CNNM2: variants seen among roughly 807,000 people sequenced by gnomAD.
The protein encoded by CNNM2 is metal transporter CNNM2.
CNNM2 carries 12 observed loss-of-function variants against 66.9 expected under a neutral mutation model. That is an observed-to-expected ratio of 0.18 (90% CI 0.11 to 0.29). The LOEUF (loss-of-function observed/expected upper bound fraction) is 0.29, where lower values mean the gene tolerates loss of function less well. Among genes scored for constraint, CNNM2 ranks in the 10% least tolerant of loss-of-function variants. CNNM2 has a pLI of 1.00. For synonymous variants in CNNM2, 557 were observed against 501.8 expected (o/e 1.11, Z -1.47); for missense variants, 705 against 1,167.7 (o/e 0.60, Z 5.77).
At chr10:103,017,981 A>AAAAAAAAAAAAAAAAT (rs2064489371) in intron 1 of CNNM2, among the ~76,000 whole-genome samples, 1 of 148,890 alleles carries the variant, frequency 6.7e-6, no homozygotes, top group African/African-American at 2.5e-5. Context: ...AAAAAAAAAA[A>AAAAAAAAAAAAAAAAT]GGCAAGCCGC....
At chr10:102,948,590 A>G (rs898694425) in intron 1 of CNNM2, among the ~76,000 whole-genome samples, 1 of 152,364 alleles carries the variant, frequency 6.6e-6, no homozygotes, top group East Asian at 1.9e-4. Flanking sequence ...CAGACCTTGC[A>G]GGCCACACTA....
intron 1 of CNNM2, among the ~76,000 whole-genome samples, chr10:103,000,184 C>T (rs556831160): frequency 1.6e-3 from 242 of 151,566 alleles, no homozygotes; most frequent in Middle Eastern, 3.4e-3. Context: ...TGCAGTGAGC[C>T]GATATCATGC....
intron 1 of CNNM2, among the ~76,000 whole-genome samples, chr10:103,044,861 A>G (rs780196790): frequency 1.3e-5 from 2 of 152,250 alleles, no homozygotes; most frequent in Non-Finnish European, 2.9e-5. Flanking sequence ...CCTAATTCAC[A>G]GGAATAATTT....
chr10:102,959,445 T>C (rs1231905377), intron 1 of CNNM2, among the ~76,000 whole-genome samples: 1 of 152,242 alleles, frequency 6.6e-6, no homozygotes, highest in Non-Finnish European at 1.5e-5. Flanking sequence ...ACAATGCAAA[T>C]GTCCCATTCT....
intron 1 of CNNM2, among the ~76,000 whole-genome samples, chr10:102,974,917 C>T (rs2063602269): frequency 6.6e-6 from 1 of 152,086 alleles, no homozygotes; most frequent in Admixed American, 6.5e-5. Context: ...AAATTAGAAG[C>T]CACATACAGA....
chr10:102,935,206 C>T (rs1350825790), intron 1 of CNNM2, among the ~76,000 whole-genome samples: 2 of 150,770 alleles, frequency 1.3e-5, no homozygotes, highest in African/African-American at 4.9e-5. Context: ...ACATGGTGGC[C>T]TGTAATCCTA....
intron 1 of CNNM2, among the ~76,000 whole-genome samples, chr10:102,927,949 C>T (rs1214371788): frequency 6.6e-6 from 1 of 152,104 alleles, no homozygotes; most frequent in East Asian, 1.9e-4. Context: ...TGCTGTCATT[C>T]GGAGGTGGGA....
At position 103,025,195 on chromosome 10, in the gene CNNM2, G is replaced by T. The variant is rs532495519; in HGVS notation, c.1622-24512G>T. On this transcript the variant is annotated intron_variant, in intron 1 of 7. Transcript: ENST00000369878. ...CAACCTCCAACTCCCTGGTTCAAGC[G>T]ATTCTCCTGCCTCAGCCTCCCAAGT... Among the ~76,000 whole-genome samples, 108 of 152,236 alleles carry T rather than the reference G, an allele frequency of 7.1e-4. 1 individual carries two copies. The highest frequency in any genetic ancestry group is 2.5e-3 in the African/African-American group (105 of 41,562).
chr10:103,009,758 T>C (rs1266874237), intron 1 of CNNM2, among the ~76,000 whole-genome samples: 1 of 150,902 alleles, frequency 6.6e-6, no homozygotes, highest in Non-Finnish European at 1.5e-5. Context: ...CTGTAGTGAG[T>C]TGAAGTCCAT....
intron 1 of CNNM2, among the ~76,000 whole-genome samples, chr10:102,951,132 C>T (rs536438404): frequency 1.3e-4 from 19 of 151,850 alleles, no homozygotes; most frequent in East Asian, 3.9e-4. Context: ...GGACTACAGG[C>T]GCCTGCCACC....
intron 1 of CNNM2, among the ~76,000 whole-genome samples, chr10:103,046,815 A>G (rs2065134082): frequency 1.3e-5 from 2 of 152,198 alleles, no homozygotes; most frequent in African/African-American, 4.8e-5. Context: ...ATGTATTTGG[A>G]AAAGGGAGGA....
chr10:102,956,616 T>C (rs1038325537), intron 1 of CNNM2, among the ~76,000 whole-genome samples: 2 of 152,186 alleles, frequency 1.3e-5, no homozygotes, highest in African/African-American at 2.4e-5. Context: ...GTGGCACATA[T>C]ACACCATCGA....
rs1406247779 is a variant in CNNM2, at chr10:103,054,181, T to C, written c.1766-148T>C. The C allele has an allele frequency of 1.2e-6, 1 of 857,202 alleles. No individual in the cohort carries two copies. Among genetic ancestry groups the C allele is most frequent in the East Asian group, 2.7e-5 (1 of 36,920 alleles). The allele number at this position is 857,202 out of a possible 1,614,324, so 53.1% of individuals were successfully genotyped here. The stretch of plus-strand genomic sequence containing the variant: ...TGATGAGGATCTGGCTCTCCCTCCC[T>C]CCTTCCCCGTGGCATCTGTGCATAG... On this transcript the variant is annotated intron_variant, in intron 2 of 7. Transcript: ENST00000369878. This position sits in a 1 kb window ranked among gnomAD's most constrained non-coding sequence, Gnocchi z 5.2.
chr10:102,990,882 C>G (rs888769939), intron 1 of CNNM2, among the ~76,000 whole-genome samples: 3 of 152,182 alleles, frequency 2.0e-5, no homozygotes, highest in African/African-American at 7.2e-5. Context: ...CTTTTACCCC[C>G]TGTTCCTCAG....
At chr10:103,000,295 C>T (rs2064094157) in intron 1 of CNNM2, among the ~76,000 whole-genome samples, 3 of 150,850 alleles carry the variant, frequency 2.0e-5, no homozygotes, top group Admixed American at 6.6e-5. Context: ...AATGGAATAG[C>T]TGCTATAGAA....
intron 1 of CNNM2, among the ~76,000 whole-genome samples, chr10:103,048,459 A>T (rs1459993947): frequency 6.6e-6 from 1 of 150,746 alleles, no homozygotes; most frequent in African/African-American, 2.4e-5. Context: ...CAGGTGATCT[A>T]CCTGCCTCAG....
At chr10:103,050,301 G>A (rs2065194425) in intron 2 of CNNM2, among the ~76,000 whole-genome samples, 1 of 152,146 alleles carries the variant, frequency 6.6e-6, no homozygotes, top group South Asian at 2.1e-4. Flanking sequence ...GGAGGCCGAG[G>A]CAGGTGAATC....
chr10:102,926,598 G>A (rs1845868939), intron 1 of CNNM2, among the ~76,000 whole-genome samples: 2 of 152,116 alleles, frequency 1.3e-5, no homozygotes, highest in African/African-American at 4.8e-5. Context: ...CTGGAATGCA[G>A]TGGTGCTAGC....
rs776992441 is a variant in CNNM2, at chr10:102,999,237, A to AT, written c.1622-50452dup. On this transcript the variant is annotated intron_variant, in intron 1 of 7. Transcript: ENST00000369878. ...AGGTGCCCGTCACCCTGCCCGGCTA[A>AT]TTTTTTTTTTTTTTTTTTGTATTTT... Among the ~76,000 whole-genome samples, 11,015 of 128,886 alleles carry AT rather than the reference A, an allele frequency of 0.085. 543 individuals carry two copies. The highest frequency in any genetic ancestry group is 0.13 in the Middle Eastern group (32 of 240). 84.6% of individuals were successfully genotyped at this position (128,886 alleles called of 152,430 possible).
Sources: allele counts gnomAD v4.1 joint callset (sites outside exome capture counted in the v4.1 genomes callset), GRCh38; gene constraint gnomAD v4.1.1; non-coding constraint Gnocchi (gnomAD v3.1); transcripts MANE v1.5; gene names NCBI Gene and HGNC (gene_info 2026-07-23, HGNC 2026-07-21).